PAM: variants seen among roughly 807,000 people sequenced by gnomAD.
PAM encodes the protein peptidyl-glycine alpha-amidating monooxygenase.
In PAM, 72 loss-of-function variants were observed where a neutral mutation model predicts 122.1. The ratio of observed to expected loss-of-function variants is 0.59; its 90% CI spans 0.49 to 0.72. PAM has a LOEUF of 0.72. Among genes scored for constraint, PAM ranks in the 30% least tolerant of loss-of-function variants. The pLI, the probability that PAM is intolerant of heterozygous loss-of-function variation, is 0.00. For missense variants in PAM, 1,106 were observed against 1,183.7 expected, an observed-to-expected ratio of 0.93 and a Z score of 0.96; for synonymous variants, 389 against 404.4, an observed-to-expected ratio of 0.96 and a Z score of 0.46.
chr5:102,992,064 A>C (rs1774239591), intron 16 of PAM, among the ~76,000 whole-genome samples: 1 of 152,154 alleles, frequency 6.6e-6, no homozygotes, highest in Non-Finnish European at 1.5e-5. Context: ...GGGATCTGTG[A>C]AGTCCAGTTT....
chr5:102,901,941 T>G (rs1338098916), intron 4 of PAM, among the ~76,000 whole-genome samples: 2 of 151,562 alleles, frequency 1.3e-5, no homozygotes, highest in African/African-American at 4.8e-5. Flanking sequence ...TATTATAGAA[T>G]AAGAGAACGC....
At chr5:102,950,416 G>GGGGT (rs372626572) in intron 11 of PAM, among the ~76,000 whole-genome samples, 3 of 145,958 alleles carry the variant, frequency 2.1e-5, no homozygotes, top group Admixed American at 6.8e-5. Flanking sequence ...TATGTGGGTG[G>GGGGT]GTGTGTGTGT....
chr5:102,797,567 C>T (rs1175914694), intron 1 of PAM, among the ~76,000 whole-genome samples: 1 of 152,090 alleles, frequency 6.6e-6, no homozygotes, highest in Non-Finnish European at 1.5e-5. Context: ...GCTGCATTTC[C>T]ATTTTGCATA....
intron 14 of PAM, among the ~76,000 whole-genome samples, chr5:102,972,894 T>A (rs1295437468): frequency 6.6e-6 from 1 of 152,200 alleles, no homozygotes; most frequent in Non-Finnish European, 1.5e-5. Context: ...AAAACCTACT[T>A]TGAAACATTA....
chr5:102,893,432 G>C lies in PAM; in HGVS notation c.211-7924G>C, dbSNP rs113319019. 2.5e-3 allele frequency among the ~76,000 whole-genome samples: 386 copies of C among 151,778 alleles called. 3 individuals carry two copies. Among genetic ancestry groups the C allele is most frequent in the African/African-American group, 8.6e-3 (358 of 41,454 alleles). On this transcript the variant is annotated intron_variant, in intron 3 of 25. Transcript: ENST00000438793. ...GGGGAACCAAATATGATTTATGTGG[G>C]AGAGGAATGTGAATACATTCAAAAT...
rs1423753826 is a variant in PAM, at chr5:102,924,517, CTGTT to C, written c.357-435_357-432del. Among the ~76,000 whole-genome samples the C allele has an allele frequency of 3.3e-5, 5 of 151,432 alleles. No homozygotes were observed. The East Asian group carries it at 9.7e-4, about 29-fold the overall frequency. ...CCACTGATGGTAGGCACTGTAGGCACTGTTTGTTGCTTTGGCCAGATTTGTTGAC... is the reference window on the plus strand; with the variant it reads ...CCACTGATGGTAGGCACTGTAGGCACTGTTGCTTTGGCCAGATTTGTTGAC... On this transcript the variant is annotated intron_variant, in intron 5 of 25. Transcript: ENST00000438793.
intron 11 of PAM, 88 bp downstream of exon 11, chr5:102,950,066 T>C (rs1484301127): frequency 6.6e-6 from 5 of 755,900 alleles, no homozygotes; most frequent in Non-Finnish European, 1.2e-5. Context: ...CTCTTGTGAA[T>C]TTCTCTAAAA....
intron 1 of PAM, among the ~76,000 whole-genome samples, chr5:102,851,225 G>A (rs1201605188): frequency 2.0e-5 from 3 of 152,258 alleles, no homozygotes; most frequent in Middle Eastern, 3.4e-3. Context: ...AAAGATTCAG[G>A]AGTGTGAGTG....
intron 13 of PAM, 27 bp downstream of exon 13, chr5:102,960,086 AAT>A (rs1762011354): frequency 8.9e-6 from 11 of 1,242,418 alleles, no homozygotes; most frequent in Non-Finnish European, 1.3e-5. Flanking sequence ...AATATAAAGT[AAT>A]ATATGATTTT....
chr5:102,766,006 T>C (rs959379820), intron 1 of PAM, among the ~76,000 whole-genome samples: 8 of 152,112 alleles, frequency 5.3e-5, no homozygotes, highest in Non-Finnish European at 8.8e-5. Flanking sequence ...ATCGGCATGA[T>C]ACAATACACA....
intron 1 of PAM, among the ~76,000 whole-genome samples, chr5:102,756,277 A>T (rs1445002240): frequency 6.6e-6 from 1 of 152,136 alleles, no homozygotes; most frequent in African/African-American, 2.4e-5. Context: ...TTTGGTCAGT[A>T]GCTTTGCGGG....
At chr5:102,843,479 A>G (rs917998769) in intron 1 of PAM, among the ~76,000 whole-genome samples, 1 of 152,196 alleles carries the variant, frequency 6.6e-6, no homozygotes, top group African/African-American at 2.4e-5. Context: ...ACGTGACACT[A>G]AATTCCATAA....
In PAM at chr5:103,003,092, C is replaced by T; in HGVS notation, c.1673C>T (p.Thr558Ile). The T allele has an allele frequency of 1.2e-6, 2 of 1,607,850 alleles. No individual in the cohort carries two copies. Among genetic ancestry groups the T allele is most frequent in the Non-Finnish European group, 1.7e-6 (2 of 1,174,448 alleles). Reference sequence around the variant, plus strand: ...GGACTCGGACCAATTGAAGAAGACACTATTCTTGTCATAGATCCAAATAAT... The same window carrying T: ...GGACTCGGACCAATTGAAGAAGACATTATTCTTGTCATAGATCCAAATAAT... ...QIGLGPIEED[T>I]ILVIDPNNAA... Residue 558 changes from threonine (T) to isoleucine (I), a missense_variant, in exon 17 of 26, where the codon ACT becomes ATT. Around this residue, in one of 3 missense-constraint regions of PAM, gnomAD observed 670 missense variants for 690.3 expected, o/e 0.97. Transcript: ENST00000438793.
intron 1 of PAM, among the ~76,000 whole-genome samples, chr5:102,765,489 T>G (rs1339353360): frequency 6.6e-6 from 1 of 152,198 alleles, no homozygotes; most frequent in African/African-American, 2.4e-5. Flanking sequence ...TGTAGAGTCA[T>G]GTAAGTGTGT....
intron 1 of PAM, among the ~76,000 whole-genome samples, chr5:102,855,483 G>A (rs1365873118): frequency 6.6e-6 from 1 of 152,164 alleles, no homozygotes; most frequent in Non-Finnish European, 1.5e-5. Flanking sequence ...TGTATGGATA[G>A]CACCAGAAAC....
intron 7 of PAM, among the ~76,000 whole-genome samples, chr5:102,942,029 C>T (rs913157799): frequency 6.6e-6 from 1 of 151,948 alleles, no homozygotes; most frequent in African/African-American, 2.4e-5. Flanking sequence ...ACAGAAATGA[C>T]CTTTTTTATA....
chr5:103,022,371 G>A (rs1234063027), intron 23 of PAM, among the ~76,000 whole-genome samples: 2 of 152,030 alleles, frequency 1.3e-5, no homozygotes, highest in Non-Finnish European at 2.9e-5. Flanking sequence ...TATTAAGAAT[G>A]TCCTTCCCTT....
At position 102,774,380 on chromosome 5, in the gene PAM, A is replaced by G. The variant is rs577603638; in HGVS notation, c.-374+19032A>G. On this transcript the variant is annotated intron_variant, in intron 1 of 25. Transcript: ENST00000438793. ...TCATTTTTATTTATGGCAGCAGTAT[A>G]GTGTGGGGATTAAGAGAGCCACTCC... Among the ~76,000 whole-genome samples, 6 of 152,192 alleles carry G rather than the reference A, an allele frequency of 3.9e-5. No homozygotes were observed. In the South Asian group the frequency reaches 1.2e-3, roughly 32 times the overall value.
At chr5:102,991,698 C>A (rs1003144410) in intron 16 of PAM, among the ~76,000 whole-genome samples, 1 of 152,136 alleles carries the variant, frequency 6.6e-6, no homozygotes, top group Non-Finnish European at 1.5e-5. Context: ...AAAATGGAAT[C>A]TGAAAAAGAT....
Sources: allele counts gnomAD v4.1 joint callset (sites outside exome capture counted in the v4.1 genomes callset), GRCh38; gene constraint gnomAD v4.1.1; regional missense constraint gnomAD v4.1.1; transcripts MANE v1.5; gene names NCBI Gene and HGNC (gene_info 2026-07-23, HGNC 2026-07-21).